AMOTL2: variants seen among roughly 807,000 people sequenced by gnomAD.
The protein encoded by AMOTL2 is angiomotin-like protein 2.
A neutral mutation model predicts 78.4 loss-of-function variants in AMOTL2; 33 were observed. The observed-to-expected ratio is 0.42, with a 90% confidence interval of 0.32 to 0.56. The LOEUF (loss-of-function observed/expected upper bound fraction) is 0.56, where lower values mean the gene tolerates loss of function less well. AMOTL2 is among the 20% of genes least tolerant of loss of function. AMOTL2 has a pLI of 0.12. For missense variants in AMOTL2, 983 were observed against 1,030.1 expected, an observed-to-expected ratio of 0.95 and a Z score of 0.63; for synonymous variants, 422 against 428.8, an observed-to-expected ratio of 0.98 and a Z score of 0.20.
intron 1 of AMOTL2, chr3:134,373,932 G>GTTA: frequency 1.3e-6 from 1 of 742,522 alleles, no homozygotes; most frequent in Non-Finnish European, 1.6e-6. Context: ...CTAGTTGGGG[G>GTTA]CAAAGGCACC....
intron 4 of AMOTL2, 44 bp downstream of exon 4, chr3:134,366,239 T>C (rs963963628): frequency 6.3e-7 from 1 of 1,597,586 alleles, no homozygotes; most frequent in Non-Finnish European, 8.5e-7. Flanking sequence ...AAGTAAGTCC[T>C]CTGCAGAGGT....
intron 5 of AMOTL2, among the ~76,000 whole-genome samples, chr3:134,363,731 T>A (rs1005670126): frequency 6.6e-6 from 1 of 152,178 alleles, no homozygotes; most frequent in Non-Finnish European, 1.5e-5. Context: ...TAGTGTTGAC[T>A]GACCCCAGAT....
chr3:134,372,540 CACACACACACACACACAA>C (rs1173269227), intron 1 of AMOTL2, among the ~76,000 whole-genome samples: 1 of 151,492 alleles, frequency 6.6e-6, no homozygotes, highest in African/African-American at 2.4e-5. Flanking sequence ...AACACACACA[CACACACACACACACACAA>C]ACACACACAC....
chr3:134,357,700 C>G lies in AMOTL2; in HGVS notation c.*5G>C. The G allele has an allele frequency of 6.2e-7, 1 of 1,613,934 alleles. No homozygotes were observed. Among genetic ancestry groups the G allele is most frequent in the Non-Finnish European group, 8.5e-7 (1 of 1,179,800 alleles). On this transcript the variant is annotated 3_prime_UTR_variant, in exon 10 of 10. Coordinates refer to ENST00000249883, the MANE Select transcript of AMOTL2 (RefSeq NM_016201.4). ...ATGGCTCAGAGTCCTGAAGCACCACCTCCTTCAGATCAGTATCTCCACCAT... is the reference window on the plus strand; with the variant it reads ...ATGGCTCAGAGTCCTGAAGCACCACGTCCTTCAGATCAGTATCTCCACCAT...
At position 134,360,208 on chromosome 3, in the gene AMOTL2, C is replaced by T. The variant is rs547887711; in HGVS notation, c.1781G>A (p.Arg594His). 6.8e-6 allele frequency: 11 copies of T among 1,614,110 alleles called. No individual in the cohort carries two copies. The highest frequency in any genetic ancestry group is 2.2e-5 in the East Asian group (1 of 44,888). The change falls in exon 7 of 10, where the codon CGT becomes CAT. Residue 594 changes from arginine (R) to histidine (H), a missense_variant. Physicochemically the swap from Arg to His is conservative, Grantham distance 29. Coordinates refer to ENST00000249883, the MANE Select transcript of AMOTL2 (RefSeq NM_016201.4). The part of the protein sequence containing the change: ...MDAAATAAAQ[R>H]DTTLIRHSPQ... ...GGAATGTCGGATGAGAGTGGTGTCA[C>T]GCTGAGCAGCAGCCGTGGCAGCCGC...
At position 134,361,625 on chromosome 3, in the gene AMOTL2, G is replaced by A. The variant is rs370345516; in HGVS notation, c.1462C>T (p.Arg488Trp). 2.1e-5 allele frequency: 34 copies of A among 1,612,838 alleles called. No homozygotes were observed. In the African/African-American group the frequency reaches 2.4e-4, roughly 11 times the overall value. ...AGCTGCCCGAGCGCCTGCTGCAGCC[G>A]CTCCACTTTCTCCACATAGGCCTGC... ...KKQAYVEKVE[R>W]LQQALGQLQA... Residue 488 changes from arginine to tryptophan, a missense_variant, in exon 6 of 10, where the codon CGG (arginine) becomes TGG (tryptophan). Transcript: ENST00000249883.
At chr3:134,363,843 A>G (rs1324344163) in intron 5 of AMOTL2, among the ~76,000 whole-genome samples, 1 of 152,106 alleles carries the variant, frequency 6.6e-6, no homozygotes, top group Non-Finnish European at 1.5e-5. Context: ...GGGCCGGAGG[A>G]CCCAGCCCTC....
Position 134,365,859 on chromosome 3 carries a change from G to A in AMOTL2, c.1237C>T (p.Gln413Ter). 1 of 1,614,184 alleles carries A rather than the reference G, an allele frequency of 6.2e-7. No homozygotes were observed. Among genetic ancestry groups the A allele is most frequent in the Non-Finnish European group, 8.5e-7 (1 of 1,180,028 alleles). The change falls in exon 5 of 10, where the codon CAG becomes TAG. Residue 413 changes from glutamine (Q) to a stop codon, truncating the protein, a stop_gained. Transcript: ENST00000249883. LOFTEE classifies it high-confidence loss of function. The part of the protein sequence containing the change: ...RRLASKTQEA[Q>*]AGSQDMVAKL... ...GCCACCATGTCCTGACTGCCGGCCT[G>A]GGCCTCCTGTGTCTTGCTTGCCAGG...
At chr3:134,374,674 G>C (rs994790619), upstream of AMOTL2, 63 of 982,166 alleles carry the variant, frequency 6.4e-5, no homozygotes, top group Non-Finnish European at 5.2e-5. Flanking sequence ...CCCGGCCCCC[G>C]AGCTCCGTTC....
intron 5 of AMOTL2, among the ~76,000 whole-genome samples, chr3:134,365,300 T>C (rs1162146091): frequency 2.0e-5 from 3 of 152,232 alleles, no homozygotes; most frequent in Non-Finnish European, 4.4e-5. Flanking sequence ...CCGCCCCGTT[T>C]AGAATGCATC....
chr3:134,373,714 TG>T, intron 1 of AMOTL2: 2 of 985,330 alleles, frequency 2.0e-6, no homozygotes, highest in Non-Finnish European at 2.4e-6. Flanking sequence ...CTGGTACGCC[TG>T]GGGCGAGCCG....
Position 134,367,725 on chromosome 3 carries a change from G to T in AMOTL2, c.813C>A (p.His271Gln), listed in dbSNP as rs559689864. ...GAGCAGCTGGATGTGGGGGAGGGGG[G>T]TGCTCCTGAGATTGCTGCAGGTACT... ...QYQYLQQSQE[H>Q]PPPPHPAALG... Residue 271 changes from histidine (H) to glutamine (Q), a missense_variant, in exon 3 of 10, where the codon CAC becomes CAA. Transcript: ENST00000249883. 89 of 1,613,662 alleles carry T rather than the reference G, an allele frequency of 5.5e-5. No homozygotes were observed. Among genetic ancestry groups the T allele is most frequent in the Non-Finnish European group, 6.8e-5 (80 of 1,180,008 alleles).
At chr3:134,366,631 C>G in intron 3 of AMOTL2, 2 of 533,904 alleles carry the variant, frequency 3.7e-6, no homozygotes, top group South Asian at 5.3e-5. Context: ...AAGCAACGGT[C>G]CCATCGGCTG....
intron 8 of AMOTL2, 68 bp from the exon 9 acceptor site, chr3:134,358,787 T>G: frequency 6.3e-7 from 1 of 1,579,086 alleles, no homozygotes. Flanking sequence ...ACACTCTAAG[T>G]TAACTGTCCC....
chr3:134,364,971 A>C (rs977065051), intron 5 of AMOTL2, among the ~76,000 whole-genome samples: 15 of 151,860 alleles, frequency 9.9e-5, no homozygotes, highest in Non-Finnish European at 2.9e-5. Flanking sequence ...CACCCACCCC[A>C]TGTACCTCTT....
intron 1 of AMOTL2, chr3:134,374,125 A>T: frequency 1.6e-6 from 1 of 644,416 alleles, no homozygotes; most frequent in Non-Finnish European, 1.9e-6. Context: ...GCGCGTTTCT[A>T]GAGCCCCGCA....
At chr3:134,375,324 C>T (rs563331073), upstream of AMOTL2, 153 of 1,289,018 alleles carry the variant, frequency 1.2e-4, no homozygotes, top group Non-Finnish European at 1.5e-4. Flanking sequence ...GCCAAGCACC[C>T]TCCAACGGAG....
upstream of AMOTL2, chr3:134,374,680 C>T: frequency 1.0e-6 from 1 of 981,598 alleles, no homozygotes; most frequent in Non-Finnish European, 1.2e-6. Flanking sequence ...CCCCGAGCTC[C>T]GTTCCTCCGC....
At chr3:134,364,080 A>G (rs1333057946) in intron 5 of AMOTL2, among the ~76,000 whole-genome samples, 1 of 152,092 alleles carries the variant, frequency 6.6e-6, no homozygotes, top group Admixed American at 6.5e-5. Context: ...CGAGGCGCCG[A>G]CGGGACCCGG....
Sources: gnomAD v4.1 joint callset for allele counts (sites outside exome capture counted in the v4.1 genomes callset) on GRCh38, gnomAD v4.1.1 for gene constraint, MANE v1.5 for transcripts, NCBI Gene and HGNC (gene_info 2026-07-23, HGNC 2026-07-21) for gene names.